PAM16: variants seen among roughly 807,000 people sequenced by gnomAD.
PAM16 encodes the protein presequence translocase associated motor 16, also known as mitochondrial import inner membrane translocase subunit TIM16.
In PAM16, 11 loss-of-function variants were observed where a neutral mutation model predicts 17.9. The observed-to-expected ratio is 0.62, with a 90% CI of 0.39 to 1.02. The LOEUF is 1.02. Ranked by LOEUF, PAM16 falls within the 50% of genes least tolerant of loss-of-function variation. The pLI, the probability that PAM16 is intolerant of heterozygous loss-of-function variation, is 0.01. For synonymous variants in PAM16, 72 were observed against 67.4 expected, an observed-to-expected ratio of 1.07 and a Z score of -0.34; for missense variants, 199 against 165.4, an observed-to-expected ratio of 1.20 and a Z score of -1.11.
At chr16:4,342,616 T>C (rs544620965) in intron 2 of PAM16, among the ~76,000 whole-genome samples, 1 of 151,394 alleles carries the variant, frequency 6.6e-6, no homozygotes, top group East Asian at 2.0e-4. Flanking sequence ...ATCGCACTAT[T>C]GCACTCCAGC....
At chr16:4,345,872 G>C (rs926223792) in intron 1 of PAM16, 3 of 985,136 alleles carry the variant, frequency 3.0e-6, no homozygotes, top group Non-Finnish European at 1.2e-6. Context: ...GGACAGAGGT[G>C]AAAGTCAGAG....
intron 1 of PAM16, among the ~76,000 whole-genome samples, chr16:4,349,555 C>G (rs2053814331): frequency 6.6e-6 from 1 of 152,132 alleles, no homozygotes; most frequent in Non-Finnish European, 1.5e-5. Context: ...CCACTGTACT[C>G]CAGCCTAGGA....
At chr16:4,351,208 G>A (rs955316837) in intron 1 of PAM16, 24 bp downstream of exon 1, 6 of 1,385,042 alleles carry the variant, frequency 4.3e-6, no homozygotes, top group Non-Finnish European at 4.7e-6. Context: ...TCCCCTCCCC[G>A]GTAGCGCCCG....
intron 1 of PAM16, chr16:4,348,412 G>A (rs780758314): frequency 1.3e-5 from 2 of 152,574 alleles, no homozygotes; most frequent in Non-Finnish European, 2.9e-5. Context: ...CATTCACAGC[G>A]CCTGGTCTGG....
At chr16:4,344,038 G>T in intron 1 of PAM16, 1 of 397,964 alleles carries the variant, frequency 2.5e-6, no homozygotes, top group Non-Finnish European at 4.4e-6. Context: ...TGGCCTGGCA[G>T]GGAACCCCAC....
At chr16:4,340,768 C>A in intron 4 of PAM16, 152 bp downstream of exon 4, 2 of 990,646 alleles carry the variant, frequency 2.0e-6, no homozygotes, top group South Asian at 2.8e-5. Context: ...GTTCAGGGGG[C>A]CTCCCTGAGG....
intron 1 of PAM16, among the ~76,000 whole-genome samples, chr16:4,344,550 C>G (rs1397702608): frequency 4.4e-5 from 1 of 22,778 alleles, no homozygotes; most frequent in Non-Finnish European, 8.1e-5. Context: ...GGAGGGGGTT[C>G]CGTGAGAGGA....
intron 1 of PAM16, among the ~76,000 whole-genome samples, chr16:4,350,250 G>A (rs951755999): frequency 6.6e-6 from 1 of 151,432 alleles, no homozygotes; most frequent in Non-Finnish European, 1.5e-5. Flanking sequence ...AAGCAGCTGG[G>A]ATTACAGGTG....
chr16:4,343,694 C>T (rs760829938), intron 1 of PAM16: 58 of 536,490 alleles, frequency 1.1e-4, no homozygotes, highest in Non-Finnish European at 1.6e-4. Flanking sequence ...ATCACTCTTC[C>T]TGAGTTTCTG....
intron 2 of PAM16, 26 bp from the exon 3 acceptor site, chr16:4,341,530 C>G (rs2053647268): frequency 6.3e-7 from 1 of 1,587,344 alleles, no homozygotes; most frequent in African/African-American, 1.3e-5. Flanking sequence ...GGTGATCGCT[C>G]AGTCCTCAGC....
At chr16:4,343,640 G>A (rs1026200102) in intron 1 of PAM16, 8 of 1,171,184 alleles carry the variant, frequency 6.8e-6, no homozygotes, top group Non-Finnish European at 6.7e-6. Flanking sequence ...CACAGGGACA[G>A]CCCTGGACCT....
chr16:4,341,461 C>G lies in PAM16; in HGVS notation c.132G>C (p.Arg44=), dbSNP rs746949084. Residue 44 remains arginine, a synonymous_variant, in exon 3 of 5, where the codon CGG becomes CGC. Coordinates refer to ENST00000318059, the MANE Select transcript of PAM16 (RefSeq NM_016069.11). The part of the protein sequence containing the change: ...AADARGRAGH[R]SAAASNLSGL... ...CGGAGAGGTTGGAAGCGGCTGCAGA[C>G]CGGTGTCCAGCGCGTCCTCGGGCAT... 2.0e-5 allele frequency: 32 copies of G among 1,609,906 alleles called. No homozygotes were observed. In the Admixed American group the frequency reaches 3.0e-4, roughly 15 times the overall value.
intron 1 of PAM16, chr16:4,345,415 C>G (rs2053741474): frequency 6.6e-6 from 1 of 152,126 alleles, no homozygotes; most frequent in Admixed American, 6.5e-5. Context: ...TCTGTCACAG[C>G]AGTCACTACG....
At chr16:4,340,432 G>C in intron 4 of PAM16, 27 bp from the exon 5 acceptor site, 2 of 1,605,084 alleles carry the variant, frequency 1.2e-6, no homozygotes, top group East Asian at 4.5e-5. Context: ...AATCAGGCCG[G>C]GAGGCCAAGC....
At chr16:4,341,685 G>C in intron 2 of PAM16, 181 bp from the exon 3 acceptor site, 1 of 1,032,140 alleles carries the variant, frequency 9.7e-7, no homozygotes, top group Non-Finnish European at 1.4e-6. Context: ...GGGAAAGTGA[G>C]GACAGACGTG....
intron 1 of PAM16, chr16:4,346,605 G>C (rs1463343804): frequency 6.6e-6 from 1 of 152,226 alleles, no homozygotes; most frequent in East Asian, 1.9e-4. Context: ...GAAGCAGAAC[G>C]AGAACCACGT....
intron 3 of PAM16, 102 bp from the exon 4 acceptor site, chr16:4,341,087 C>A: frequency 6.9e-7 from 1 of 1,441,832 alleles, no homozygotes; most frequent in Non-Finnish European, 9.7e-7. Flanking sequence ...GACTCCTCTC[C>A]ACCCTGTGTG....
intron 4 of PAM16, 139 bp downstream of exon 4, chr16:4,340,780 TG>T: frequency 1.8e-6 from 2 of 1,111,344 alleles, no homozygotes; most frequent in Non-Finnish European, 2.7e-6. Context: ...TCCCTGAGGC[TG>T]GGGCACCATG....
chr16:4,341,076 G>A lies in PAM16; in HGVS notation c.226-91C>T, dbSNP rs901978219. 64 of 1,492,714 alleles carry A rather than the reference G, an allele frequency of 4.3e-5. 1 individual carries two copies. The highest frequency in any genetic ancestry group is 1.5e-4 in the Admixed American group (9 of 58,682). 92.5% of individuals were successfully genotyped at this position (1,492,714 alleles called of 1,614,324 possible). A position where few individuals can be genotyped will look rare whatever the true frequency, so the allele number is the denominator to read the frequency against. On this transcript the variant is annotated intron_variant, in intron 3 of 4. Transcript: ENST00000318059. Reference sequence around the variant, plus strand: ...GTGGGGCCACGTGAGAGAGGCAACAGGACTCCTCTCCACCCTGTGTGCCAC... The same window carrying A: ...GTGGGGCCACGTGAGAGAGGCAACAAGACTCCTCTCCACCCTGTGTGCCAC...
Sources: gnomAD v4.1 joint callset for allele counts (sites outside exome capture counted in the v4.1 genomes callset) on GRCh38, gnomAD v4.1.1 for gene constraint, MANE v1.5 for transcripts, NCBI Gene and HGNC (gene_info 2026-07-23, HGNC 2026-07-21) for gene names.